The following ABCC11 variants were observed in gnomAD, a reference collection of about 807,000 sequenced individuals.
The protein encoded by ABCC11 is ATP binding cassette subfamily C member 11.
ABCC11 carries 135 observed loss-of-function variants against 149.3 expected under a neutral mutation model. The observed-to-expected ratio is 0.90, with a 90% confidence interval of 0.79 to 1.04. ABCC11 has a LOEUF of 1.04. Ranked by LOEUF, ABCC11 falls within the 50% of genes least tolerant of loss-of-function variation. The pLI, the probability that ABCC11 is intolerant of heterozygous loss-of-function variation, is 0.00. For synonymous variants in ABCC11, 665 were observed against 671.4 expected (o/e 0.99, Z 0.15); for missense variants, 1,680 against 1,722.1 (o/e 0.98, Z 0.43).
chr16:48,227,952 G>C lies in ABCC11; in HGVS notation c.249C>G (p.Pro83=). 1 of 1,612,380 alleles carries C rather than the reference G, an allele frequency of 6.2e-7. No homozygotes were observed. Among genetic ancestry groups the C allele is most frequent in the Non-Finnish European group, 8.5e-7 (1 of 1,179,102 alleles). ...ACAGGCCAGCATTGTCCAGGGGCTG[G>C]GGGGCAGGAAACCTAGTAGAGGGGC... ...PFRPKPRFPA[P]QPLDNAGLFS... The change falls in exon 4 of 30, where the codon CCC becomes CCG. Residue 83 remains proline (P), a synonymous_variant. Coordinates refer to ENST00000356608, the MANE Select transcript of ABCC11 (RefSeq NM_001370497.1).
intron 12 of ABCC11, among the ~76,000 whole-genome samples, chr16:48,208,148 T>C (rs1176351704): frequency 2.0e-5 from 3 of 152,296 alleles, no homozygotes; most frequent in East Asian, 1.9e-4. Flanking sequence ...TTTGTGTTAA[T>C]ATCCTGTATC....
At position 48,192,626 on chromosome 16, in the gene ABCC11, C is replaced by G. The variant is rs758573602; in HGVS notation, c.2600G>C (p.Gly867Ala). The G allele has an allele frequency of 4.3e-6, 7 of 1,614,158 alleles. No homozygotes were observed. In the South Asian group the frequency reaches 7.7e-5, roughly 18 times the overall value. The change falls in exon 20 of 30, where the codon GGG becomes GCG. Residue 867 changes from glycine to alanine, a missense_variant. Physicochemically the swap from Gly to Ala is moderately conservative, Grantham distance 60 (BLOSUM62 0). Transcript: ENST00000356608. ...PQLSFYQLVY[G>A]LNALLLICVG... ...ACAGATGAGGAGCAGGGCGTTGAGC[C>G]CGTACACCAGCTGGTAGAAGGACAG...
intron 6 of ABCC11, among the ~76,000 whole-genome samples, chr16:48,218,873 C>T (rs901519242): frequency 6.6e-6 from 1 of 152,146 alleles, no homozygotes; most frequent in African/African-American, 2.4e-5. Context: ...ATGTTTTTAT[C>T]AGCAGCGTGA....
chr16:48,170,861 C>T (rs368697069), intron 27 of ABCC11, 28 bp downstream of exon 27: 1 of 1,595,934 alleles, frequency 6.3e-7, no homozygotes, highest in African/African-American at 1.3e-5. Context: ...CAGACTTAGA[C>T]CAAGACTTGG....
intron 4 of ABCC11, among the ~76,000 whole-genome samples, chr16:48,225,089 G>A (rs1969987364): frequency 6.6e-6 from 1 of 151,506 alleles, no homozygotes; most frequent in Non-Finnish European, 1.5e-5. Flanking sequence ...TCGGGTGCCT[G>A]TAGTCCCAGC....
chr16:48,198,117 T>C (rs1237995199), intron 16 of ABCC11, 24 bp downstream of exon 16: 5 of 1,614,056 alleles, frequency 3.1e-6, no homozygotes, highest in African/African-American at 2.7e-5. Flanking sequence ...CCGTGGGTAG[T>C]GAGGGCAGTG....
rs755094317 is a variant in ABCC11 at position 48,167,346 on chromosome 16, C to T, written c.4077G>A (p.Pro1359=). Reference sequence around the variant, plus strand: ...ACCCAGGCTTCTTCCGCAGTACCTCCGGCCGATCAAATTCTACCACCTGGA... The same window carrying T: ...ACCCAGGCTTCTTCCGCAGTACCTCTGGCCGATCAAATTCTACCACCTGGA... ...GNGKVVEFDR[P]EVLRKKPGSL... The change falls in exon 30 of 30, where the codon CCG becomes CCA. Residue 1359 remains proline, a synonymous_variant. Transcript: ENST00000356608. 7 of 1,209,272 alleles carry T rather than the reference C, an allele frequency of 5.8e-6. No individual in the cohort carries two copies. Among genetic ancestry groups the T allele is most frequent in the East Asian group, 2.3e-5 (1 of 43,066 alleles). 74.9% of individuals were successfully genotyped at this position (1,209,272 alleles called of 1,614,324 possible). A position where few individuals can be genotyped will look rare whatever the true frequency, so the allele number is the denominator to read the frequency against.
In ABCC11 at chr16:48,187,252, T is replaced by C. The variant is rs1479046960; in HGVS notation, c.2882A>G (p.Tyr961Cys). The change falls in exon 21 of 30, where the codon TAT becomes TGT. Residue 961 changes from tyrosine to cysteine, a missense_variant. Physicochemically the swap from Tyr to Cys is radical, Grantham distance 194 (BLOSUM62 -2). Coordinates refer to ENST00000356608, the MANE Select transcript of ABCC11 (RefSeq NM_001370497.1). ...VLLIVSVLSP[Y>C]ILLMGAIIMV... Reference sequence around the variant, plus strand: ...GATTATGGCTCCCATTAACAGGATATATGGAGACAGCACACTGACAATCAA... The same window carrying C: ...GATTATGGCTCCCATTAACAGGATACATGGAGACAGCACACTGACAATCAA... 6.2e-7 allele frequency: 1 copy of C among 1,614,060 alleles called. No homozygotes were observed.
intron 3 of ABCC11, among the ~76,000 whole-genome samples, chr16:48,229,510 TGCGGACTGCAGTGGC>T (rs1970293379): frequency 7.1e-6 from 1 of 140,070 alleles, no homozygotes; most frequent in African/African-American, 2.8e-5. Context: ...CAGCCCGGAC[TGCGGACTGCAGTGGC>T]GCAATCTCGG....
At chr16:48,228,028 AACCAT>A in intron 3 of ABCC11, 64 bp from the exon 4 acceptor site, 1 of 1,461,478 alleles carries the variant, frequency 6.8e-7, no homozygotes, top group South Asian at 1.3e-5. Context: ...GATGAATGAC[AACCAT>A]ATTAAAACAC....
At chr16:48,192,823 T>G (rs1596717225) in intron 19 of ABCC11, 106 bp from the exon 20 acceptor site, 1 of 1,176,974 alleles carries the variant, frequency 8.5e-7, no homozygotes, top group Non-Finnish European at 1.2e-6. Context: ...TGGTAGAAGG[T>G]GAAGCTGTTT....
intron 11 of ABCC11, chr16:48,209,876 CTCTG>C (rs763328711): frequency 6.6e-6 from 1 of 152,104 alleles, no homozygotes; most frequent in Admixed American, 6.6e-5. Context: ...AGGAAAATCC[CTCTG>C]TCTGCTGTAT....
intron 18 of ABCC11, among the ~76,000 whole-genome samples, chr16:48,194,925 TC>T (rs1431065251): frequency 6.6e-6 from 1 of 152,188 alleles, no homozygotes; most frequent in East Asian, 1.9e-4. Flanking sequence ...GGAAACTTAA[TC>T]TGAGAGGGGA....
chr16:48,201,910 C>G (rs1296515482), intron 14 of ABCC11, among the ~76,000 whole-genome samples: 3 of 152,162 alleles, frequency 2.0e-5, no homozygotes, highest in African/African-American at 7.2e-5. Flanking sequence ...AGTCCTAGTT[C>G]CTGTTCTATC....
intron 23 of ABCC11, among the ~76,000 whole-genome samples, chr16:48,182,278 G>A (rs1033648351): frequency 9.2e-5 from 14 of 152,096 alleles, no homozygotes; most frequent in African/African-American, 1.9e-4. Context: ...GGACATACAC[G>A]CACATGCCTG....
intron 23 of ABCC11, among the ~76,000 whole-genome samples, chr16:48,180,958 C>A (rs2150747145): frequency 6.6e-6 from 1 of 152,314 alleles, no homozygotes; most frequent in East Asian, 1.9e-4. Flanking sequence ...AGTCAGTCCC[C>A]CAGGCAGGGT....
At chr16:48,170,061 G>T (rs373418310) in intron 28 of ABCC11, 44 bp downstream of exon 28, 1 of 1,540,770 alleles carries the variant, frequency 6.5e-7, no homozygotes, top group Admixed American at 1.7e-5. Context: ...CTCATCATGC[G>T]TAGTCTGTGG....
intron 23 of ABCC11, among the ~76,000 whole-genome samples, 177 bp from the exon 24 acceptor site, chr16:48,178,863 T>C (rs2150741094): frequency 6.6e-6 from 1 of 152,292 alleles, no homozygotes; most frequent in Non-Finnish European, 1.5e-5. Context: ...CTTCTGAGTT[T>C]AGCTGCAGCT....
intron 7 of ABCC11, among the ~76,000 whole-genome samples, 159 bp from the exon 8 acceptor site, chr16:48,215,503 AGG>A (rs1445927068): frequency 1.3e-5 from 2 of 152,202 alleles, no homozygotes; most frequent in African/African-American, 4.8e-5. Context: ...AGAGCATCCC[AGG>A]GGCCTTTCTT....
Sources: allele counts gnomAD v4.1 joint callset (sites outside exome capture counted in the v4.1 genomes callset), GRCh38; gene constraint gnomAD v4.1.1; transcripts MANE v1.5; gene names NCBI Gene and HGNC (gene_info 2026-07-23, HGNC 2026-07-21).